The following FRAS1 variants were observed in gnomAD, a reference collection of about 807,000 sequenced individuals.
FRAS1 encodes Fraser extracellular matrix complex subunit 1.
A neutral mutation model predicts 435.2 loss-of-function variants in FRAS1; 290 were observed. The ratio of observed to expected loss-of-function variants is 0.67; its 90% CI spans 0.61 to 0.73. FRAS1 has a LOEUF of 0.73. FRAS1 is among the 30% of genes least tolerant of loss of function. The probability of loss-of-function intolerance (pLI) is 0.00; values close to 1 mark genes in which losing one functional copy is unlikely to be tolerated. For missense variants in FRAS1, 4,860 were observed against 5,001.5 expected (o/e 0.97, Z 0.85); for synonymous variants, 1,800 against 1,851.0 (o/e 0.97, Z 0.71).
chr4:78,084,994 G>A (rs1741077185), intron 2 of FRAS1, among the ~76,000 whole-genome samples: 6 of 152,012 alleles, frequency 3.9e-5, no homozygotes, highest in Admixed American at 3.9e-4. Flanking sequence ...TATAATTACA[G>A]ATACACACTG....
intron 2 of FRAS1, among the ~76,000 whole-genome samples, chr4:78,226,062 A>T (rs975226925): frequency 2.6e-5 from 4 of 152,088 alleles, no homozygotes; most frequent in Non-Finnish European, 5.9e-5. Flanking sequence ...CTATTCCTTT[A>T]GTGGTTACCC....
At chr4:78,396,443 C>G (rs1732667514) in intron 29 of FRAS1, among the ~76,000 whole-genome samples, 1 of 152,210 alleles carries the variant, frequency 6.6e-6, no homozygotes, top group Non-Finnish European at 1.5e-5. Flanking sequence ...ACTCCCTCAG[C>G]CTTTGTCTGG....
intron 6 of FRAS1, among the ~76,000 whole-genome samples, chr4:78,256,305 A>C (rs977150481): frequency 6.6e-6 from 1 of 152,218 alleles, no homozygotes; most frequent in Non-Finnish European, 1.5e-5. Context: ...CTCATCTCCC[A>C]ATTCATCACA....
At chr4:78,476,984 CT>C (rs199757846) in intron 54 of FRAS1, among the ~76,000 whole-genome samples, 3,699 of 23,062 alleles carry the variant, frequency 0.16, 167 homozygotes, top group African/African-American at 0.26. Flanking sequence ...TAATTTCTTT[CT>C]TTTTAAAAAA....
At chr4:78,123,771 C>T (rs1169280025) in intron 2 of FRAS1, among the ~76,000 whole-genome samples, 2 of 152,104 alleles carry the variant, frequency 1.3e-5, no homozygotes, top group South Asian at 2.1e-4. Flanking sequence ...TGATTTGGCA[C>T]TCTGTTTGTC....
chr4:78,237,476 CAGT>C, intron 2 of FRAS1, 31 bp from the exon 3 acceptor site: 1 of 1,445,906 alleles, frequency 6.9e-7, no homozygotes, highest in Non-Finnish European at 9.7e-7. Flanking sequence ...CTTGACTGAT[CAGT>C]TTTTAAATCA....
intron 38 of FRAS1, 120 bp downstream of exon 38, chr4:78,432,724 T>C: frequency 8.6e-7 from 1 of 1,166,654 alleles, no homozygotes; most frequent in Non-Finnish European, 1.2e-6. Flanking sequence ...GTAAAGAACA[T>C]TTTTCTCAGC....
intron 2 of FRAS1, among the ~76,000 whole-genome samples, chr4:78,153,247 C>T (rs1720751399): frequency 6.6e-6 from 1 of 152,054 alleles, no homozygotes; most frequent in Non-Finnish European, 1.5e-5. Flanking sequence ...GAGTGTCCAG[C>T]ATCAATATCT....
chr4:78,088,433 C>T (rs1197444849), intron 2 of FRAS1, among the ~76,000 whole-genome samples: 2 of 150,898 alleles, frequency 1.3e-5, no homozygotes, highest in African/African-American at 4.8e-5. Context: ...CAAATGGGAT[C>T]TAATTAAACT....
chr4:78,487,704 G>C (rs970580466), intron 58 of FRAS1, among the ~76,000 whole-genome samples: 24 of 152,266 alleles, frequency 1.6e-4, no homozygotes, highest in African/African-American at 5.8e-4. Flanking sequence ...ACCAAACTTT[G>C]AGTTCTCACT....
intron 2 of FRAS1, among the ~76,000 whole-genome samples, chr4:78,221,945 C>A (rs941365096): frequency 2.1e-4 from 32 of 152,182 alleles, no homozygotes; most frequent in Admixed American, 1.8e-3. Flanking sequence ...CATTCCTCAA[C>A]CGTACTGGAA....
chr4:78,489,799 A>AGG (rs1432180948), intron 59 of FRAS1, among the ~76,000 whole-genome samples: 1 of 152,080 alleles, frequency 6.6e-6, no homozygotes, highest in Non-Finnish European at 1.5e-5. Flanking sequence ...TGAGAGCAGG[A>AGG]GGCAGCCGTC....
intron 6 of FRAS1, among the ~76,000 whole-genome samples, chr4:78,257,918 C>A (rs2110140787): frequency 6.6e-6 from 1 of 152,288 alleles, no homozygotes; most frequent in South Asian, 2.1e-4. Context: ...TTCCACATTT[C>A]TGTAGGCTCA....
chr4:78,311,382 T>C (rs1302335640), intron 15 of FRAS1, among the ~76,000 whole-genome samples: 2 of 152,222 alleles, frequency 1.3e-5, no homozygotes, highest in Non-Finnish European at 2.9e-5. Context: ...ATTTTTAACA[T>C]GCACCACGTT....
chr4:78,248,543 T>C (rs1011842088), intron 4 of FRAS1, among the ~76,000 whole-genome samples: 6 of 152,162 alleles, frequency 3.9e-5, no homozygotes, highest in Admixed American at 1.3e-4. Flanking sequence ...CTGCTCACTT[T>C]GTTTGTGAGG....
intron 2 of FRAS1, among the ~76,000 whole-genome samples, chr4:78,145,829 G>A (rs1324588592): frequency 6.6e-6 from 1 of 152,146 alleles, no homozygotes; most frequent in African/African-American, 2.4e-5. Flanking sequence ...AATCACGGGG[G>A]CGGTTTCCCC....
intron 2 of FRAS1, among the ~76,000 whole-genome samples, chr4:78,143,161 G>A (rs1720263987): frequency 6.6e-6 from 1 of 152,032 alleles, no homozygotes; most frequent in South Asian, 2.1e-4. Flanking sequence ...TAAAAGGTTG[G>A]CAAATGAAAT....
chr4:78,084,209 A>G (rs140287428), intron 2 of FRAS1, among the ~76,000 whole-genome samples: 114 of 152,260 alleles, frequency 7.5e-4, no homozygotes, highest in African/African-American at 2.5e-3. Flanking sequence ...CCACATTCAC[A>G]TAACTTTTAT....
intron 32 of FRAS1, among the ~76,000 whole-genome samples, chr4:78,418,006 C>T (rs767675964): frequency 1.3e-5 from 2 of 152,232 alleles, no homozygotes; most frequent in Admixed American, 1.3e-4. Context: ...CTGCTGTCCC[C>T]AACCCACCAC....
Sources: allele counts gnomAD v4.1 joint callset (sites outside exome capture counted in the v4.1 genomes callset), GRCh38; gene constraint gnomAD v4.1.1; transcripts MANE v1.5; gene names NCBI Gene and HGNC (gene_info 2026-07-23, HGNC 2026-07-21).